Variants in MTA3 observed in about 807,000 individuals in gnomAD.
The protein encoded by MTA3 is metastasis associated 1 family member 3, also known as metastasis-associated protein MTA3.
MTA3 carries 34 observed loss-of-function variants against 83.5 expected under a neutral mutation model. That is an observed-to-expected ratio of 0.41 (90% CI 0.31 to 0.54). The LOEUF (loss-of-function observed/expected upper bound fraction) is 0.54. MTA3 is among the 20% of genes least tolerant of loss of function. The probability of loss-of-function intolerance (pLI) is 0.33; values close to 1 mark genes in which losing one functional copy is unlikely to be tolerated. For missense variants in MTA3, 761 were observed against 726.4 expected, an observed-to-expected ratio of 1.05 and a Z score of -0.55; for synonymous variants, 303 against 252.7, an observed-to-expected ratio of 1.20 and a Z score of -1.89.
In MTA3 at chr2:42,692,044, G is replaced by C. The variant is rs565403771; in HGVS notation, c.892-3721G>C. ...GGAAATTCCCTAATATTATCCCTTTGAATAATCTTCCTGCCCCTCTTTCTC... is the reference window on the plus strand; with the variant it reads ...GGAAATTCCCTAATATTATCCCTTTCAATAATCTTCCTGCCCCTCTTTCTC... On this transcript the variant is annotated intron_variant, in intron 9 of 16. Coordinates refer to ENST00000405094, the MANE Select transcript of MTA3 (RefSeq NM_001330442.2). Among the ~76,000 whole-genome samples, 3 of 152,092 alleles carry C rather than the reference G, an allele frequency of 2.0e-5. No homozygotes were observed. The South Asian group carries it at 6.2e-4, about 32-fold the overall frequency.
intron 2 of MTA3, among the ~76,000 whole-genome samples, chr2:42,530,844 T>G (rs933031185): frequency 3.9e-5 from 6 of 152,296 alleles, no homozygotes; most frequent in East Asian, 1.9e-4. Flanking sequence ...TTGTTTGTTT[T>G]TTTGAGACAG....
intron 4 of MTA3, among the ~76,000 whole-genome samples, chr2:42,629,989 C>T (rs1459504598): frequency 6.6e-6 from 1 of 152,032 alleles, no homozygotes; most frequent in Non-Finnish European, 1.5e-5. Flanking sequence ...ACCATGTTGG[C>T]CAGGGTGGTC....
At chr2:42,553,343 G>A (rs1229769725) in intron 2 of MTA3, among the ~76,000 whole-genome samples, 1 of 149,602 alleles carries the variant, frequency 6.7e-6, no homozygotes, top group African/African-American at 2.5e-5. Flanking sequence ...AGAATGGCGT[G>A]AACCCTGGAA....
At chr2:42,722,158 G>C (rs923184088) in intron 15 of MTA3, among the ~76,000 whole-genome samples, 3 of 152,166 alleles carry the variant, frequency 2.0e-5, no homozygotes, top group African/African-American at 7.2e-5. Context: ...AGCTTTAGTA[G>C]TAAACTGAAG....
intron 3 of MTA3, among the ~76,000 whole-genome samples, chr2:42,588,386 G>C (rs550461086): frequency 6.6e-5 from 10 of 152,290 alleles, no homozygotes; most frequent in African/African-American, 2.4e-4. Flanking sequence ...CAAAGCTACC[G>C]AAATCTCTGC....
At chr2:42,717,839 G>T (rs548831528) in intron 14 of MTA3, among the ~76,000 whole-genome samples, 1 of 152,320 alleles carries the variant, frequency 6.6e-6, no homozygotes, top group Admixed American at 6.5e-5. Flanking sequence ...GGCCCATCTA[G>T]GTCAGAGATG....
intron 9 of MTA3, among the ~76,000 whole-genome samples, chr2:42,692,705 G>A (rs1693013138): frequency 6.6e-6 from 1 of 152,200 alleles, no homozygotes; most frequent in Admixed American, 6.5e-5. Flanking sequence ...GGGATTACAG[G>A]CATGAGCCAC....
intron 8 of MTA3, among the ~76,000 whole-genome samples, chr2:42,674,890 G>A (rs1424811704): frequency 2.0e-5 from 3 of 151,516 alleles, no homozygotes; most frequent in African/African-American, 7.3e-5. Context: ...GTGAGCTACT[G>A]CGCCTGGCCT....
At chr2:42,534,490 G>A (rs10165743) in intron 2 of MTA3, among the ~76,000 whole-genome samples, 55,063 of 151,880 alleles carry the variant, frequency 0.36, 10,125 homozygotes, top group South Asian at 0.41. Flanking sequence ...CCAGCTATTC[G>A]GGAGGCTGAG....
At chr2:42,606,359 C>A (rs1477863292) in intron 3 of MTA3, among the ~76,000 whole-genome samples, 1 of 147,660 alleles carries the variant, frequency 6.8e-6, no homozygotes, top group African/African-American at 2.5e-5. Flanking sequence ...AGCTGCCGGG[C>A]GGAGGGGCTC....
At chr2:42,643,039 C>T (rs538984819) in intron 5 of MTA3, among the ~76,000 whole-genome samples, 2 of 145,926 alleles carry the variant, frequency 1.4e-5, no homozygotes, top group South Asian at 2.2e-4. Flanking sequence ...GTGTCTCCCC[C>T]CCCCCCCTTT....
chr2:42,533,991 C>T (rs1204201112), intron 2 of MTA3, among the ~76,000 whole-genome samples: 1 of 152,122 alleles, frequency 6.6e-6, no homozygotes, highest in Non-Finnish European at 1.5e-5. Flanking sequence ...GGTTTAGACT[C>T]TGGGCCCTAG....
At chr2:42,645,225 A>AT (rs1688065850) in intron 6 of MTA3, among the ~76,000 whole-genome samples, 1 of 150,050 alleles carries the variant, frequency 6.7e-6, no homozygotes, top group Non-Finnish European at 1.5e-5. Flanking sequence ...CACATGAATG[A>AT]TAAAAAAAAG....
chr2:42,603,477 C>T (rs1033240905), intron 3 of MTA3, among the ~76,000 whole-genome samples: 2 of 152,044 alleles, frequency 1.3e-5, no homozygotes, highest in African/African-American at 4.8e-5. Context: ...AGCTTTTGCC[C>T]GATGCAGTGT....
chr2:42,613,428 C>T (rs1304127148), intron 4 of MTA3, among the ~76,000 whole-genome samples: 4 of 152,222 alleles, frequency 2.6e-5, no homozygotes, highest in Admixed American at 6.5e-5. Context: ...GGGTTAGGGG[C>T]AGTCCCTGGC....
chr2:42,516,543 A>T (rs1294902214), intron 2 of MTA3, among the ~76,000 whole-genome samples: 1 of 152,190 alleles, frequency 6.6e-6, no homozygotes, highest in Non-Finnish European at 1.5e-5. Context: ...GGCAACTGTT[A>T]TAGTTTTATT....
At chr2:42,511,365 A>C (rs1674888045) in intron 2 of MTA3, among the ~76,000 whole-genome samples, 1 of 152,124 alleles carries the variant, frequency 6.6e-6, no homozygotes, top group Non-Finnish European at 1.5e-5. Context: ...AAAAAAAAAA[A>C]AAACCTCAGG....
In MTA3 at chr2:42,695,795, G is replaced by C; in HGVS notation, c.922G>C (p.Glu308Gln). 2 of 1,565,780 alleles carry C rather than the reference G, an allele frequency of 1.3e-6. No homozygotes were observed. Among genetic ancestry groups the C allele is most frequent in the Non-Finnish European group, 1.7e-6 (2 of 1,156,274 alleles). The change falls in exon 10 of 17, where the codon GAA becomes CAA. Residue 308 changes from glutamate (E) to glutamine (Q), a missense_variant. Transcript: ENST00000405094. ...LPWKSLTSII[E>Q]YYYMWKTTDR... The stretch of plus-strand genomic sequence containing the variant: ...TTGGAAATCATTGACTAGCATCATT[G>C]AATATTATTACATGTGGAAAACTAC...
intron 3 of MTA3, among the ~76,000 whole-genome samples, chr2:42,601,756 T>C (rs748159468): frequency 6.6e-6 from 1 of 152,170 alleles, no homozygotes; most frequent in Non-Finnish European, 1.5e-5. Flanking sequence ...CTCAGCTCAC[T>C]GCAACCTCCA....
Sources: gnomAD v4.1 joint callset for allele counts (sites outside exome capture counted in the v4.1 genomes callset) on GRCh38, gnomAD v4.1.1 for gene constraint, MANE v1.5 for transcripts, NCBI Gene and HGNC (gene_info 2026-07-23, HGNC 2026-07-21) for gene names.